ABCC10: variants seen among roughly 807,000 people sequenced by gnomAD.
The protein encoded by ABCC10 is ATP binding cassette subfamily C member 10.
In ABCC10, 110 loss-of-function variants were observed where a neutral mutation model predicts 143.2. The observed-to-expected ratio is 0.77, with a 90% CI of 0.66 to 0.90. The LOEUF is 0.90. Among genes scored for constraint, ABCC10 ranks in the 40% least tolerant of loss-of-function variants. The probability of loss-of-function intolerance (pLI) is 0.00; values close to 1 mark genes in which losing one functional copy is unlikely to be tolerated. For synonymous variants in ABCC10, 805 were observed against 846.7 expected (o/e 0.95, Z 0.85); for missense variants, 1,700 against 1,900.5 (o/e 0.89, Z 1.96).
chr6:43,435,737 C>A lies in ABCC10; in HGVS notation c.1609-14C>A, dbSNP rs754993218. ...ATAACTCCTGGGGCTTCACCCTGCA[C>A]CCACCTCACTCAGGTGTTCACGGCC... is the stretch of plus-strand genomic sequence containing the variant. On this transcript the variant is annotated splice_polypyrimidine_tract_variant and intron_variant, in intron 4 of 21. Transcript: ENST00000372530. The A allele has an allele frequency of 3.1e-6, 5 of 1,613,590 alleles. No homozygotes were observed. The highest frequency in any genetic ancestry group is 1.6e-4 in the Middle Eastern group (1 of 6,084).
intron 8 of ABCC10, among the ~76,000 whole-genome samples, chr6:43,439,533 G>T (rs895778139): frequency 1.3e-5 from 2 of 152,048 alleles, no homozygotes; most frequent in African/African-American, 4.8e-5. Flanking sequence ...CCCTCAAGTG[G>T]CTGGGACTAC....
In ABCC10 at chr6:43,450,270, G is replaced by A. The variant is rs980222824; in HGVS notation, c.*179G>A. 7 of 916,882 alleles carry A rather than the reference G, an allele frequency of 7.6e-6. No individual in the cohort carries two copies. In the African/African-American group the frequency reaches 8.5e-5, roughly 11 times the overall value. The allele number at this position is 916,882 out of a possible 1,614,324, so 56.8% of individuals were successfully genotyped here. On this transcript the variant is annotated 3_prime_UTR_variant, in exon 22 of 22. Transcript: ENST00000372530. This position sits in a 1 kb window ranked among gnomAD's most constrained non-coding sequence, Gnocchi z 4.5. ...ATCACTCCTTGGTGGGCAGCATCCT[G>A]AGGCTTCCCCAGAACCAGGCCTCTG...
Position 43,444,231 on chromosome 6 carries a change from G to T in ABCC10, c.2567G>T (p.Arg856Leu). ...GAGGAGGAGCAGAGCACATCTGGTC[G>T]CCTGCTGCAGGAAGAAAGCAAGAAG... The part of the protein sequence containing the change: ...GLEEEQSTSG[R>L]LLQEESKKEG... The change falls in exon 12 of 22, where the codon CGC (arginine) becomes CTC (leucine). Residue 856 changes from arginine (R) to leucine (L), a missense_variant. Coordinates refer to ENST00000372530, the MANE Select transcript of ABCC10 (RefSeq NM_001198934.2). 1 of 1,614,112 alleles carries T rather than the reference G, an allele frequency of 6.2e-7. No homozygotes were observed. Among genetic ancestry groups the T allele is most frequent in the Non-Finnish European group, 8.5e-7 (1 of 1,180,020 alleles).
At position 43,443,640 on chromosome 6, in the gene ABCC10, G is replaced by A; in HGVS notation, c.2417-293G>A. The A allele has an allele frequency of 2.4e-6, 1 of 412,388 alleles. No homozygotes were observed. The allele number at this position is 412,388 out of a possible 1,614,324, so 25.5% of individuals were successfully genotyped here. A position where few individuals can be genotyped will look rare whatever the true frequency, so the allele number is the denominator to read the frequency against. ...AATGAGAAGTAACCCTGGACAGAGTGGCAGGCATAGCTCTGGCGGTCCTCT... is the reference window on the plus strand; with the variant it reads ...AATGAGAAGTAACCCTGGACAGAGTAGCAGGCATAGCTCTGGCGGTCCTCT... On this transcript the variant is annotated intron_variant, in intron 10 of 21. Coordinates refer to ENST00000372530, the MANE Select transcript of ABCC10 (RefSeq NM_001198934.2). This position sits in a 1 kb window ranked among gnomAD's most constrained non-coding sequence, Gnocchi z 4.2.
At position 43,449,396 on chromosome 6, in the gene ABCC10, T is replaced by C. The variant is rs751743426; in HGVS notation, c.4204-26T>C. On this transcript the variant is annotated intron_variant, in intron 20 of 21. Transcript: ENST00000372530. ...CCCTGCAGCCTCTCCTTCCTTCTTA[T>C]CCCCTACCCCATTCCCATATTCCAG... 5.0e-6 allele frequency: 8 copies of C among 1,594,842 alleles called. No individual in the cohort carries two copies. In the South Asian group the frequency reaches 6.7e-5, roughly 13 times the overall value.
intron 3 of ABCC10, among the ~76,000 whole-genome samples, chr6:43,434,217 A>G (rs1323974030): frequency 1.3e-5 from 2 of 152,226 alleles, no homozygotes; most frequent in East Asian, 3.8e-4. Flanking sequence ...CGGGGGCCGG[A>G]ACTGGGGGGC....
intron 12 of ABCC10, 47 bp from the exon 13 acceptor site, chr6:43,444,741 A>G: frequency 2.0e-6 from 3 of 1,536,628 alleles, no homozygotes; most frequent in Non-Finnish European, 2.6e-6. Flanking sequence ...TAGAATGAAC[A>G]AGGGAGAGGA....
At chr6:43,436,554 A>G (rs796489863) in intron 6 of ABCC10, among the ~76,000 whole-genome samples, 5 of 152,232 alleles carry the variant, frequency 3.3e-5, no homozygotes, top group African/African-American at 1.2e-4. Context: ...CCTGGGGTTT[A>G]TGTAGCATCT....
chr6:43,449,842 C>A, intron 21 of ABCC10, 87 bp from the exon 22 acceptor site: 1 of 1,479,076 alleles, frequency 6.8e-7, no homozygotes, highest in Non-Finnish European at 9.2e-7. Context: ...CTGTGGTGTC[C>A]CGAGGGGAGA....
chr6:43,432,762 G>C lies in ABCC10; in HGVS notation c.782G>C (p.Arg261Pro), dbSNP rs45480693. The change falls in exon 3 of 22, where the codon CGT becomes CCT. Residue 261 changes from arginine to proline, a missense_variant. Arg to Pro is a moderately radical substitution (Grantham distance 103, BLOSUM62 -2). Transcript: ENST00000372530. ...PHRLQPTYLA[R>P]VFQAHWQEGA... Reference sequence around the variant, plus strand: ...AGACTGCAGCCAACCTACCTGGCTCGTGTCTTCCAGGCACACTGGCAGGAG... The same window carrying C: ...AGACTGCAGCCAACCTACCTGGCTCCTGTCTTCCAGGCACACTGGCAGGAG... 5.5e-5 allele frequency: 89 copies of C among 1,614,042 alleles called. No homozygotes were observed. The highest frequency in any genetic ancestry group is 7.2e-5 in the Non-Finnish European group (85 of 1,180,032).
chr6:43,447,737 G>A lies in ABCC10; in HGVS notation c.3759G>A (p.Leu1253=), dbSNP rs1281608726. Residue 1253 remains leucine (L), a synonymous_variant, in exon 18 of 22, where the codon TTG becomes TTA. Transcript: ENST00000372530. ...QGGVEFQDVV[L]AYRPGLPNAL... Reference sequence around the variant, plus strand: ...GCGTGGAGTTCCAGGACGTGGTGTTGGCGTACCGGCCAGGGCTGCCGAATG... The same window carrying A: ...GCGTGGAGTTCCAGGACGTGGTGTTAGCGTACCGGCCAGGGCTGCCGAATG... 1.9e-6 allele frequency: 3 copies of A among 1,613,986 alleles called. No homozygotes were observed. The highest frequency in any genetic ancestry group is 2.5e-6 in the Non-Finnish European group (3 of 1,180,050).
Position 43,432,588 on chromosome 6 carries a change from C to T in ABCC10, c.608C>T (p.Pro203Leu). Residue 203 changes from proline to leucine, a missense_variant, in exon 3 of 22, where the codon CCC becomes CTC. Physicochemically the swap from Pro to Leu is moderately conservative, Grantham distance 98. Transcript: ENST00000372530. The part of the protein sequence containing the change: ...GGPREPWAQE[P>L]LLPEDQEPEV... ...CCACGAGAACCCTGGGCTCAGGAGCCCCTCCTGCCCGAGGATCAAGAACCT... is the reference window on the plus strand; with the variant it reads ...CCACGAGAACCCTGGGCTCAGGAGCTCCTCCTGCCCGAGGATCAAGAACCT... 6.2e-7 allele frequency: 1 copy of T among 1,613,766 alleles called. No individual in the cohort carries two copies. The highest frequency in any genetic ancestry group is 8.5e-7 in the Non-Finnish European group (1 of 1,180,000).
In ABCC10 at chr6:43,433,083, T is replaced by C; in HGVS notation, c.1103T>C (p.Leu368Ser). ...AVLNILYCKA[L>S]QLGPSRPPTG... ...CTGAACATCCTGTACTGCAAGGCTT[T>C]ACAGCTGGGGCCCAGCCGCCCTCCT... The change falls in exon 3 of 22, where the codon TTA (leucine) becomes TCA (serine). Residue 368 changes from leucine to serine, a missense_variant. Physicochemically the swap from Leu to Ser is moderately radical, Grantham distance 145. Transcript: ENST00000372530. 1 of 1,614,148 alleles carries C rather than the reference T, an allele frequency of 6.2e-7. No individual in the cohort carries two copies. Among genetic ancestry groups the C allele is most frequent in the Non-Finnish European group, 8.5e-7 (1 of 1,180,012 alleles).
At chr6:43,442,732 A>G (rs79943146) in intron 9 of ABCC10, among the ~76,000 whole-genome samples, 1 of 147,390 alleles carries the variant, frequency 6.8e-6, no homozygotes, top group Non-Finnish European at 1.5e-5. Context: ...CCATGTCTCA[A>G]AAAAAAAAAA....
chr6:43,448,936 G>A lies in ABCC10; in HGVS notation c.4015G>A (p.Glu1339Lys), dbSNP rs756462657. 6.2e-7 allele frequency: 1 copy of A among 1,614,174 alleles called. No homozygotes were observed. Among genetic ancestry groups the A allele is most frequent in the Non-Finnish European group, 8.5e-7 (1 of 1,180,000 alleles). Residue 1339 changes from glutamate to lysine, a missense_variant, in exon 19 of 22, where the codon GAA becomes AAA. Transcript: ENST00000372530. ...EPFLFSGTVRENLDPQGLHKD... is the reference protein window; with the variant it reads ...EPFLFSGTVRKNLDPQGLHKD... Reference sequence around the variant, plus strand: ...CTTTTTGTTCAGTGGGACTGTTCGGGAAAACCTGGACCCCCAGGGCCTACA... The same window carrying A: ...CTTTTTGTTCAGTGGGACTGTTCGGAAAAACCTGGACCCCCAGGGCCTACA...
chr6:43,443,537 C>G lies in ABCC10; in HGVS notation c.2416+378C>G, dbSNP rs1782704787. The stretch of plus-strand genomic sequence containing the variant: ...AGGGATGTGACCACCTGCAAGTTTA[C>G]TGGGAGAGAAATAGGAGGAAATGAA... On this transcript the variant is annotated intron_variant, in intron 10 of 21. Coordinates refer to ENST00000372530, the MANE Select transcript of ABCC10 (RefSeq NM_001198934.2). The surrounding 1 kb of genome is among the most constrained non-coding windows in gnomAD (Gnocchi z 4.2). The G allele has an allele frequency of 2.2e-5, 6 of 272,734 alleles. No homozygotes were observed. In the South Asian group the frequency reaches 4.9e-4, roughly 22 times the overall value. 16.9% of individuals were successfully genotyped at this position (272,734 alleles called of 1,614,324 possible). A position where few individuals can be genotyped will look rare whatever the true frequency, so the allele number is the denominator to read the frequency against.
At chr6:43,450,976 G>C, downstream of ABCC10, 1 of 1,614,268 alleles carries the variant, frequency 6.2e-7, no homozygotes, top group Non-Finnish European at 8.5e-7. The surrounding 1 kb of genome is among the most constrained non-coding windows in gnomAD (Gnocchi z 4.5). Context: ...TAGCCACTGG[G>C]GCAGAGGCAG....
chr6:43,438,809 C>G lies in ABCC10; in HGVS notation c.2127+14C>G. The G allele has an allele frequency of 6.2e-7, 1 of 1,613,166 alleles. No individual in the cohort carries two copies. The highest frequency in any genetic ancestry group is 8.5e-7 in the Non-Finnish European group (1 of 1,179,284). ...GATGACCTCAGTGTGAGTGCCTGGC[C>G]TTGAAACCTCTTAGCTGCCTGTTTC... On this transcript the variant is annotated intron_variant, in intron 8 of 21. Coordinates refer to ENST00000372530, the MANE Select transcript of ABCC10 (RefSeq NM_001198934.2).
chr6:43,439,550 G>A (rs1258748032), intron 8 of ABCC10, among the ~76,000 whole-genome samples: 1 of 151,922 alleles, frequency 6.6e-6, no homozygotes, highest in Non-Finnish European at 1.5e-5. Flanking sequence ...CTACAGGAGT[G>A]AGCCACCACA....
Sources: gnomAD v4.1 joint callset for allele counts (sites outside exome capture counted in the v4.1 genomes callset) on GRCh38, gnomAD v4.1.1 for gene constraint, Gnocchi (gnomAD v3.1) non-coding constraint, MANE v1.5 for transcripts, NCBI Gene and HGNC (gene_info 2026-07-23, HGNC 2026-07-21) for gene names.